The following VEPH1 variants were observed in gnomAD, a reference collection of about 807,000 sequenced individuals.
VEPH1 encodes ventricular zone-expressed PH domain-containing protein homolog 1.
In VEPH1, 80 loss-of-function variants were observed where a neutral mutation model predicts 85.2. The ratio of observed to expected loss-of-function variants is 0.94; its 90% CI spans 0.78 to 1.13. The LOEUF (loss-of-function observed/expected upper bound fraction) is 1.13. VEPH1 is among the 50% of genes most tolerant of loss of function. The pLI, the probability that VEPH1 is intolerant of heterozygous loss-of-function variation, is 0.00. For missense variants in VEPH1, 955 were observed against 980.5 expected (o/e 0.97, Z 0.35); for synonymous variants, 297 against 348.0 (o/e 0.85, Z 1.63).
chr3:157,323,703 A>G (rs1182174428), intron 9 of VEPH1, among the ~76,000 whole-genome samples: 1 of 152,228 alleles, frequency 6.6e-6, no homozygotes, highest in East Asian at 1.9e-4. Flanking sequence ...TTCTTTTGCA[A>G]GTGATTACTT....
At chr3:157,489,072 G>T (rs1400839361) in intron 2 of VEPH1, 2 of 455,078 alleles carry the variant, frequency 4.4e-6, no homozygotes, top group Non-Finnish European at 8.8e-6. Flanking sequence ...ACTGCTCCAT[G>T]ATGGTCAGAA....
chr3:157,302,935 T>G (rs1027975552), intron 11 of VEPH1, among the ~76,000 whole-genome samples: 1 of 152,110 alleles, frequency 6.6e-6, no homozygotes, highest in Admixed American at 6.5e-5. Flanking sequence ...ATAACTTTCA[T>G]TTCTATTTAT....
intron 13 of VEPH1, among the ~76,000 whole-genome samples, chr3:157,264,311 TC>T (rs983750555): frequency 6.6e-6 from 1 of 152,156 alleles, no homozygotes; most frequent in Non-Finnish European, 1.5e-5. Context: ...TATCATTGAC[TC>T]CCTTAATTTT....
intron 4 of VEPH1, among the ~76,000 whole-genome samples, chr3:157,429,487 T>A (rs777605057): frequency 6.6e-6 from 1 of 152,178 alleles, no homozygotes; most frequent in Non-Finnish European, 1.5e-5. Context: ...AACGAAAGCG[T>A]GATTCTGGAT....
intron 2 of VEPH1, 99 bp from the exon 3 acceptor site, chr3:157,470,628 G>A: frequency 1.7e-6 from 2 of 1,149,238 alleles, no homozygotes; most frequent in Non-Finnish European, 2.6e-6. Flanking sequence ...GGGTGCACCA[G>A]GCTGTGTGCT....
At chr3:157,312,436 T>TCCA (rs1477615459) in intron 11 of VEPH1, among the ~76,000 whole-genome samples, 1 of 151,842 alleles carries the variant, frequency 6.6e-6, no homozygotes, top group African/African-American at 2.4e-5. Context: ...AATCCATATC[T>TCCA]CCAGTCATGG....
At chr3:157,362,234 T>C (rs1345018710) in intron 9 of VEPH1, among the ~76,000 whole-genome samples, 1 of 152,056 alleles carries the variant, frequency 6.6e-6, no homozygotes, top group Non-Finnish European at 1.5e-5. Flanking sequence ...TTTCACCATG[T>C]TGGCCAGGCT....
chr3:157,420,149 G>A (rs1732218450), intron 5 of VEPH1, among the ~76,000 whole-genome samples: 1 of 151,646 alleles, frequency 6.6e-6, no homozygotes. Context: ...GATATGGGAG[G>A]GGTGGAACAA....
intron 11 of VEPH1, among the ~76,000 whole-genome samples, chr3:157,288,352 C>G (rs1409948740): frequency 2.0e-5 from 3 of 151,958 alleles, no homozygotes; most frequent in Non-Finnish European, 4.4e-5. Context: ...GGCGTGTAGG[C>G]ACTGTTTGCA....
At chr3:157,293,352 C>T (rs901952117) in intron 11 of VEPH1, among the ~76,000 whole-genome samples, 3 of 152,204 alleles carry the variant, frequency 2.0e-5, no homozygotes, top group African/African-American at 7.2e-5. Flanking sequence ...TCGAGGTACA[C>T]ATGACTATAT....
chr3:157,339,778 C>T (rs1559972208), intron 9 of VEPH1, among the ~76,000 whole-genome samples: 3 of 152,156 alleles, frequency 2.0e-5, no homozygotes, highest in Non-Finnish European at 2.9e-5. Context: ...GGGAATTCTT[C>T]TTAGACCCCT....
chr3:157,374,900 T>C (rs765423660), intron 7 of VEPH1, among the ~76,000 whole-genome samples: 1 of 152,238 alleles, frequency 6.6e-6, no homozygotes, highest in South Asian at 2.1e-4. Context: ...CATGAAATAC[T>C]GTGAAAACTG....
intron 4 of VEPH1, among the ~76,000 whole-genome samples, chr3:157,436,422 C>T (rs1733580695): frequency 6.6e-6 from 1 of 152,122 alleles, no homozygotes; most frequent in South Asian, 2.1e-4. Context: ...CAGTTTCAAC[C>T]TGTAAAACAG....
intron 7 of VEPH1, 64 bp from the exon 8 acceptor site, chr3:157,364,576 C>G: frequency 2.1e-6 from 3 of 1,438,154 alleles, no homozygotes; most frequent in Non-Finnish European, 2.9e-6. Context: ...CAGTGTTATT[C>G]TCTATTTAAC....
At chr3:157,325,985 C>T (rs955944720) in intron 9 of VEPH1, among the ~76,000 whole-genome samples, 4 of 151,990 alleles carry the variant, frequency 2.6e-5, no homozygotes, top group Non-Finnish European at 5.9e-5. Context: ...TTTTCCATTT[C>T]TTTGTGTCAT....
intron 11 of VEPH1, among the ~76,000 whole-genome samples, chr3:157,298,642 T>C (rs1718402767): frequency 6.6e-6 from 1 of 152,194 alleles, no homozygotes; most frequent in East Asian, 1.9e-4. Flanking sequence ...ATGAGGACTT[T>C]GGGTTGGCTA....
In VEPH1 at chr3:157,280,810, C is replaced by G. The variant is rs141881434; in HGVS notation, c.2128+5747G>C. Among the ~76,000 whole-genome samples, 21 of 152,242 alleles carry G rather than the reference C, an allele frequency of 1.4e-4. No homozygotes were observed. The East Asian group carries it at 4.0e-3, about 29-fold the overall frequency. On this transcript the variant is annotated intron_variant, in intron 12 of 13. Transcript: ENST00000362010. ...CATTTCAAAACAAATTCGATTTTTTCCCATGGGTATTCTATCACTTAAGTG... is the reference window on the plus strand; with the variant it reads ...CATTTCAAAACAAATTCGATTTTTTGCCATGGGTATTCTATCACTTAAGTG...
intron 3 of VEPH1, among the ~76,000 whole-genome samples, chr3:157,469,553 C>T (rs1300889504): frequency 1.3e-5 from 2 of 152,140 alleles, no homozygotes; most frequent in Non-Finnish European, 2.9e-5. Flanking sequence ...CAGTACTTTA[C>T]AGAACCTTTA....
chr3:157,397,726 A>T lies in VEPH1; in HGVS notation c.906+16155T>A, dbSNP rs368896276. On this transcript the variant is annotated intron_variant, in intron 6 of 13. Coordinates refer to ENST00000362010, the MANE Select transcript of VEPH1 (RefSeq NM_001167912.2). Reference sequence around the variant, plus strand: ...TCATGATTTGGCTCTCTGCTTGTCTATTGTTCTGTGTCATCAATTTTCTAA... The same window carrying T: ...TCATGATTTGGCTCTCTGCTTGTCTTTTGTTCTGTGTCATCAATTTTCTAA... 3.3e-5 allele frequency among the ~76,000 whole-genome samples: 5 copies of T among 152,012 alleles called. No individual in the cohort carries two copies. In the East Asian group the frequency reaches 9.7e-4, roughly 29 times the overall value.
Sources: gnomAD v4.1 joint callset for allele counts (sites outside exome capture counted in the v4.1 genomes callset) on GRCh38, gnomAD v4.1.1 for gene constraint, MANE v1.5 for transcripts, NCBI Gene and HGNC (gene_info 2026-07-23, HGNC 2026-07-21) for gene names.